SLC25A23: variants seen among roughly 807,000 people sequenced by gnomAD.
SLC25A23 encodes solute carrier family 25 member 23, also known as mitochondrial adenyl nucleotide antiporter SLC25A23.
Under a neutral mutation model 53.9 loss-of-function variants are expected in SLC25A23, and 32 were observed. The ratio of observed to expected loss-of-function variants is 0.59; its 90% CI spans 0.45 to 0.80. The LOEUF is 0.80. SLC25A23 is among the 30% of genes least tolerant of loss of function. The pLI is 0.00. For missense variants in SLC25A23, 575 were observed against 651.4 expected, an observed-to-expected ratio of 0.88 and a Z score of 1.28; for synonymous variants, 275 against 264.5, an observed-to-expected ratio of 1.04 and a Z score of -0.38.
chr19:6,445,021 T>C (rs765785651), intron 8 of SLC25A23, among the ~76,000 whole-genome samples: 2 of 152,132 alleles, frequency 1.3e-5, no homozygotes, highest in African/African-American at 2.4e-5. Context: ...CAGGCTGGTC[T>C]CGAACTCCTG....
At chr19:6,451,601 G>T (rs1458076242) in intron 8 of SLC25A23, among the ~76,000 whole-genome samples, 1 of 152,122 alleles carries the variant, frequency 6.6e-6, no homozygotes, top group East Asian at 1.9e-4. Flanking sequence ...GATCCCACTA[G>T]AAGGTAAAAG....
intron 9 of SLC25A23, 42 bp downstream of exon 9, chr19:6,444,109 C>G (rs1273948871): frequency 1.3e-6 from 2 of 1,487,808 alleles, no homozygotes; most frequent in African/African-American, 1.4e-5. Flanking sequence ...GGGGCCCAAG[C>G]GATGAGACTC....
chr19:6,446,822 G>A (rs2092511963), intron 8 of SLC25A23, among the ~76,000 whole-genome samples: 2 of 152,112 alleles, frequency 1.3e-5, no homozygotes, highest in Admixed American at 6.6e-5. Context: ...TTGGAAATAG[G>A]GTCTTTGCAG....
intron 8 of SLC25A23, among the ~76,000 whole-genome samples, chr19:6,445,597 C>T (rs1034436291): frequency 2.0e-5 from 3 of 152,128 alleles, no homozygotes; most frequent in East Asian, 1.9e-4. Flanking sequence ...CCAGAAGGAA[C>T]GCAGCCCTGC....
At chr19:6,458,088 A>G in intron 2 of SLC25A23, 110 bp downstream of exon 2, 1 of 1,378,404 alleles carries the variant, frequency 7.3e-7, no homozygotes, top group Non-Finnish European at 9.8e-7. Flanking sequence ...ATCGGGGAGA[A>G]GCGGCCCTCC....
downstream of SLC25A23, chr19:6,436,496 GGAGA>G (rs112207144): frequency 4.5e-5 from 20 of 441,186 alleles, no homozygotes; most frequent in Non-Finnish European, 8.7e-5. Context: ...TGAGAAAGGG[GGAGA>G]GAGAGAGAGA....
chr19:6,440,810 T>A lies in SLC25A23; in HGVS notation c.*1165A>T, dbSNP rs1471371736. The A allele has an allele frequency of 6.6e-6, 1 of 152,080 alleles. No individual in the cohort carries two copies. Among genetic ancestry groups the A allele is most frequent in the South Asian group, 2.1e-4 (1 of 4,832 alleles). 9.4% of individuals were successfully genotyped at this position (152,080 alleles called of 1,614,324 possible). On this transcript the variant is annotated 3_prime_UTR_variant, in exon 10 of 10. Coordinates refer to ENST00000301454, the MANE Select transcript of SLC25A23 (RefSeq NM_024103.3). ...GAGAAGCCGGCTCTGGGCACCAGTGTGTGTGGGATACTCTGTGACTGGGCT... is the reference window on the plus strand; with the variant it reads ...GAGAAGCCGGCTCTGGGCACCAGTGAGTGTGGGATACTCTGTGACTGGGCT...
At chr19:6,455,645 G>A (rs1367273995) in intron 4 of SLC25A23, among the ~76,000 whole-genome samples, 1 of 151,574 alleles carries the variant, frequency 6.6e-6, no homozygotes, top group Non-Finnish European at 1.5e-5. Context: ...CAGGAACTAG[G>A]GATCTAGAGC....
intron 8 of SLC25A23, among the ~76,000 whole-genome samples, chr19:6,451,830 C>CCTT (rs1555738169): frequency 8.0e-6 from 1 of 124,252 alleles, no homozygotes; most frequent in African/African-American, 3.6e-5. Context: ...CTTTGCCTGC[C>CCTT]TTTTTTTTTT....
chr19:6,449,305 T>C (rs2092552718), intron 8 of SLC25A23, among the ~76,000 whole-genome samples: 1 of 150,802 alleles, frequency 6.6e-6, no homozygotes, highest in Non-Finnish European at 1.5e-5. Flanking sequence ...GAAGCTGGAG[T>C]GCATTGGCAT....
rs1295939727 is a variant in SLC25A23, at chr19:6,452,399, C to T, written c.984G>A (p.Arg328=). The part of the protein sequence containing the change: ...LLDCARRILE[R]EGPRAFYRGY... ...CGCGGTAGAAGGCACGGGGCCCCTC[C>T]CTCTCCAGGATACGCCTGGCGCAGT... The change falls in exon 8 of 10, where the codon AGG becomes AGA. Residue 328 remains arginine (R), a synonymous_variant. Transcript: ENST00000301454. 1 of 1,613,844 alleles carries T rather than the reference C, an allele frequency of 6.2e-7. No homozygotes were observed. Among genetic ancestry groups the T allele is most frequent in the South Asian group, 1.1e-5 (1 of 91,014 alleles).
intron 8 of SLC25A23, among the ~76,000 whole-genome samples, chr19:6,446,295 G>C (rs1186389629): frequency 6.6e-6 from 1 of 151,152 alleles, no homozygotes; most frequent in Non-Finnish European, 1.5e-5. Flanking sequence ...CCGGGGAGGC[G>C]GAGGTTGCAG....
chr19:6,442,116 T>C lies in SLC25A23; in HGVS notation c.1266A>G (p.Leu422=), dbSNP rs567940250. Residue 422 remains leucine (L), a synonymous_variant, in exon 10 of 10, where the codon CTA becomes CTG. Coordinates refer to ENST00000301454, the MANE Select transcript of SLC25A23 (RefSeq NM_024103.3). ...GGPQLSMLGL[L]RHILSQEGMR... ...TGCCCTCCTGGGACAGGATGTGACGTAGCAGACCCAGCATGGACAGCTGGG... is the reference window on the plus strand; with the variant it reads ...TGCCCTCCTGGGACAGGATGTGACGCAGCAGACCCAGCATGGACAGCTGGG... The C allele has an allele frequency of 6.2e-7, 1 of 1,601,006 alleles. No homozygotes were observed. Among genetic ancestry groups the C allele is most frequent in the South Asian group, 1.1e-5 (1 of 89,952 alleles).
downstream of SLC25A23, chr19:6,440,006 G>A (rs2092395960): frequency 6.6e-6 from 1 of 152,132 alleles, no homozygotes; most frequent in African/African-American, 2.4e-5. Flanking sequence ...CCCTTCCCTA[G>A]GGGTAGACTA....
rs566724089 is a variant in SLC25A23 at position 6,454,126 on chromosome 19, G to A, written c.796-38C>T. 3 of 1,584,682 alleles carry A rather than the reference G, an allele frequency of 1.9e-6. No individual in the cohort carries two copies. Among genetic ancestry groups the A allele is most frequent in the South Asian group, 1.1e-5 (1 of 87,944 alleles). ...GACACAGGGATGGGTAGGACCATGG[G>A]GGTTGAACCTTCCTTGCACTCCACT... On this transcript the variant is annotated intron_variant, in intron 6 of 9. Coordinates refer to ENST00000301454, the MANE Select transcript of SLC25A23 (RefSeq NM_024103.3). The surrounding 1 kb of genome is among the most constrained non-coding windows in gnomAD (Gnocchi z 4.3).
At chr19:6,451,351 T>G (rs1465035685) in intron 8 of SLC25A23, among the ~76,000 whole-genome samples, 1 of 152,100 alleles carries the variant, frequency 6.6e-6, no homozygotes, top group Non-Finnish European at 1.5e-5. Context: ...ATCGCGCCAT[T>G]GCACTCCAGC....
chr19:6,449,953 G>A (rs181156046), intron 8 of SLC25A23, among the ~76,000 whole-genome samples: 54 of 150,782 alleles, frequency 3.6e-4, no homozygotes, highest in African/African-American at 1.3e-3. Context: ...CCCGCCCTGG[G>A]TTCAAGCGAT....
At chr19:6,436,247 T>A (rs895240751), downstream of SLC25A23, 94 of 325,712 alleles carry the variant, frequency 2.9e-4, 1 homozygote, top group South Asian at 2.2e-3. Flanking sequence ...GTGTTTGAAG[T>A]ATAAGAGTCT....
At position 6,458,308 on chromosome 19, in the gene SLC25A23, C is replaced by T; in HGVS notation, c.173G>A (p.Gly58Asp). ...PGAQQGISSE[G>D]DADPDGGLDL... ...GAGCCCGCCATCTGGGTCAGCATCA[C>T]CCTCAGAGGAGATACCCTGACAGAG... Residue 58 changes from glycine (G) to aspartate (D), a missense_variant, in exon 2 of 10, where the codon GGT becomes GAT. Coordinates refer to ENST00000301454, the MANE Select transcript of SLC25A23 (RefSeq NM_024103.3). 6.2e-7 allele frequency: 1 copy of T among 1,612,904 alleles called. No homozygotes were observed. The highest frequency in any genetic ancestry group is 1.7e-4 in the Middle Eastern group (1 of 6,060).
Sources: gnomAD v4.1 joint callset for allele counts (sites outside exome capture counted in the v4.1 genomes callset) on GRCh38, gnomAD v4.1.1 for gene constraint, Gnocchi (gnomAD v3.1) non-coding constraint, MANE v1.5 for transcripts, NCBI Gene and HGNC (gene_info 2026-07-23, HGNC 2026-07-21) for gene names.